Variants in IMPG1 observed in about 807,000 individuals in gnomAD.
IMPG1 encodes the protein interphotoreceptor matrix proteoglycan of 150 kDa.
In IMPG1, 85 loss-of-function variants were observed where a neutral mutation model predicts 92.0. The ratio of observed to expected loss-of-function variants is 0.92; its 90% confidence interval spans 0.78 to 1.11. The LOEUF is 1.11. Ranked by LOEUF, IMPG1 falls within the 50% of genes least tolerant of loss-of-function variation. IMPG1 has a pLI of 0.00. For missense variants in IMPG1, 1,022 were observed against 956.0 expected, an observed-to-expected ratio of 1.07 and a Z score of -0.91; for synonymous variants, 367 against 334.1, an observed-to-expected ratio of 1.10 and a Z score of -1.08.
intron 1 of IMPG1, among the ~76,000 whole-genome samples, chr6:76,061,276 A>G (rs1208130335): frequency 3.9e-5 from 6 of 152,226 alleles, no homozygotes; most frequent in South Asian, 4.1e-4. Flanking sequence ...TTTAATTTAC[A>G]TAGTTTCAAC....
At chr6:75,936,497 TAATAC>T in intron 14 of IMPG1, among the ~76,000 whole-genome samples, 1 of 152,366 alleles carries the variant, frequency 6.6e-6, no homozygotes, top group Middle Eastern at 3.4e-3. Context: ...GTTTGGAGCT[TAATAC>T]ACATTTGTGG....
chr6:75,990,427 T>C (rs1374211664), intron 12 of IMPG1, among the ~76,000 whole-genome samples: 1 of 152,188 alleles, frequency 6.6e-6, no homozygotes, highest in Non-Finnish European at 1.5e-5. Context: ...AAATTCCCTC[T>C]GAGATTGATG....
chr6:75,938,810 T>A (rs967276825), intron 14 of IMPG1, among the ~76,000 whole-genome samples: 12 of 146,986 alleles, frequency 8.2e-5, no homozygotes, highest in South Asian at 2.2e-4. Context: ...AGGCTCCATC[T>A]CAAAACAAAA....
chr6:76,006,310 G>GTA (rs905789569), intron 9 of IMPG1, among the ~76,000 whole-genome samples: 30 of 147,276 alleles, frequency 2.0e-4, no homozygotes, highest in African/African-American at 5.0e-4. Flanking sequence ...TAGGACAATA[G>GTA]TATATATATA....
chr6:75,971,743 T>C (rs1038475380), intron 12 of IMPG1, among the ~76,000 whole-genome samples: 3 of 152,210 alleles, frequency 2.0e-5, no homozygotes, highest in African/African-American at 2.4e-5. Flanking sequence ...CTGCCTTCTA[T>C]ATTGTCTTTG....
rs1040548890 is a variant in IMPG1 at position 75,931,051 on chromosome 6, T to C, written c.2145A>G (p.Gly715=). 7.4e-6 allele frequency: 12 copies of C among 1,614,182 alleles called. No homozygotes were observed. The highest frequency in any genetic ancestry group is 1.0e-5 in the Non-Finnish European group (12 of 1,180,026). The change falls in exon 15 of 17, where the codon GGA becomes GGG. Residue 715 remains glycine, a synonymous_variant. Coordinates refer to ENST00000369950, the MANE Select transcript of IMPG1 (RefSeq NM_001563.4). ...CGTCCAGGCTCCCCTGGCTGTCATA[T>C]CCTGGTTTGCAGCGACACTCCGCTT... ...TEEAECRCKP[G]YDSQGSLDGL...
chr6:76,023,892 T>A (rs913714514), intron 5 of IMPG1, among the ~76,000 whole-genome samples: 2 of 152,188 alleles, frequency 1.3e-5, no homozygotes, highest in African/African-American at 4.8e-5. Context: ...AAATTTCAAT[T>A]CTCTTATTAA....
At chr6:76,066,290 A>T (rs1472989545) in intron 1 of IMPG1, among the ~76,000 whole-genome samples, 1 of 152,122 alleles carries the variant, frequency 6.6e-6, no homozygotes, top group Non-Finnish European at 1.5e-5. Flanking sequence ...GAAATGGATT[A>T]AAAAACAAGG....
chr6:75,987,404 C>G (rs991242837), intron 12 of IMPG1, among the ~76,000 whole-genome samples: 1 of 151,510 alleles, frequency 6.6e-6, no homozygotes, highest in Non-Finnish European at 1.5e-5. Flanking sequence ...TGCTGCACCC[C>G]TTAACTCGTC....
chr6:76,034,255 A>G (rs1268625403), intron 4 of IMPG1, 60 bp downstream of exon 4: 1 of 1,512,070 alleles, frequency 6.6e-7, no homozygotes, highest in Non-Finnish European at 9.2e-7. Context: ...GTTTCACTCC[A>G]TTATATGATC....
At chr6:75,992,100 T>A (rs566735774) in intron 12 of IMPG1, among the ~76,000 whole-genome samples, 1 of 152,312 alleles carries the variant, frequency 6.6e-6, no homozygotes, top group Non-Finnish European at 1.5e-5. Flanking sequence ...AAGGCCTCAA[T>A]AGGAAAAAGA....
At chr6:75,935,132 C>A in intron 14 of IMPG1, 1 of 425,188 alleles carries the variant, frequency 2.4e-6, no homozygotes, top group South Asian at 1.7e-5. Flanking sequence ...GAGTAGACTT[C>A]GGGAATGACA....
At chr6:76,003,551 G>A (rs1340776958) in intron 11 of IMPG1, among the ~76,000 whole-genome samples, 1 of 151,890 alleles carries the variant, frequency 6.6e-6, no homozygotes, top group Non-Finnish European at 1.5e-5. Context: ...AATATGTTCT[G>A]CTTTAATTAT....
chr6:75,934,484 G>A (rs567982955), intron 14 of IMPG1, among the ~76,000 whole-genome samples: 2 of 152,128 alleles, frequency 1.3e-5, no homozygotes, highest in Admixed American at 1.3e-4. Context: ...GACTGAGGAA[G>A]TTTGTTTCCC....
At chr6:76,001,748 G>C (rs1031750834) in intron 12 of IMPG1, among the ~76,000 whole-genome samples, 2 of 152,170 alleles carry the variant, frequency 1.3e-5, no homozygotes, top group Admixed American at 1.3e-4. Flanking sequence ...TGTCCCTGCT[G>C]ATCCCTGCCA....
At chr6:76,012,568 A>C (rs1163113074) in intron 7 of IMPG1, among the ~76,000 whole-genome samples, 1 of 152,172 alleles carries the variant, frequency 6.6e-6, no homozygotes, top group African/African-American at 2.4e-5. Flanking sequence ...CCTGTTGGAG[A>C]CTGGGAGGCA....
intron 14 of IMPG1, among the ~76,000 whole-genome samples, chr6:75,933,374 T>C (rs964726270): frequency 6.6e-6 from 1 of 152,204 alleles, no homozygotes; most frequent in African/African-American, 2.4e-5. Flanking sequence ...GTTGGTACTA[T>C]AGAGAGATTT....
chr6:75,981,903 T>C (rs1782634042), intron 12 of IMPG1, among the ~76,000 whole-genome samples: 1 of 152,226 alleles, frequency 6.6e-6, no homozygotes, highest in Non-Finnish European at 1.5e-5. Flanking sequence ...CCCAAATTTC[T>C]AAGTATTACT....
intron 12 of IMPG1, among the ~76,000 whole-genome samples, chr6:75,992,733 C>T (rs1782833550): frequency 6.6e-6 from 1 of 152,104 alleles, no homozygotes; most frequent in African/African-American, 2.4e-5. Context: ...ATATCCTTCC[C>T]CTACTTATTT....
Sources: gnomAD v4.1 joint callset for allele counts (sites outside exome capture counted in the v4.1 genomes callset) on GRCh38, gnomAD v4.1.1 for gene constraint, MANE v1.5 for transcripts, NCBI Gene and HGNC (gene_info 2026-07-23, HGNC 2026-07-21) for gene names.